The following MMAB variants were observed in gnomAD, a reference collection of about 807,000 sequenced individuals.
MMAB encodes metabolism of cobalamin associated B, also known as corrinoid adenosyltransferase MMAB.
A neutral mutation model predicts 30.6 loss-of-function variants in MMAB; 17 were observed. The ratio of observed to expected loss-of-function variants is 0.56; its 90% CI spans 0.38 to 0.83. MMAB has a LOEUF of 0.83. Among genes scored for constraint, MMAB ranks in the 40% least tolerant of loss-of-function variants. The pLI, the probability that MMAB is intolerant of heterozygous loss-of-function variation, is 0.00. For missense variants in MMAB, 311 were observed against 331.6 expected (o/e 0.94, Z 0.48); for synonymous variants, 134 against 138.6 (o/e 0.97, Z 0.23).
rs758697282 is a variant in MMAB at position 109,558,968 on chromosome 12, A to C, written c.644+128T>G. The C allele has an allele frequency of 6.7e-5, 49 of 734,204 alleles. No individual in the cohort carries two copies. Among genetic ancestry groups the C allele is most frequent in the Non-Finnish European group, 1.0e-4 (43 of 410,960 alleles). The allele number at this position is 734,204 out of a possible 1,614,324, so 45.5% of individuals were successfully genotyped here. On this transcript the variant is annotated intron_variant, in intron 8 of 8. Coordinates refer to ENST00000545712, the MANE Select transcript of MMAB (RefSeq NM_052845.4). The surrounding 1 kb of genome is among the most constrained non-coding windows in gnomAD (Gnocchi z 4.3). The stretch of plus-strand genomic sequence containing the variant: ...TGGCACAGAGCAGATGTTCATAAAC[A>C]CTAAGGGAATGAAGGAGGGGGTGCG...
Position 109,573,392 on chromosome 12 carries a change from G to C in MMAB, c.89C>G (p.Pro30Arg). Residue 30 changes from proline (P) to arginine (R), a missense_variant, in exon 1 of 9, where the codon CCC becomes CGC. Transcript: ENST00000545712. ...GCFGAARLLY[P>R]RFQSRGPQGV... ...CTGAGGGCCGCGGCTCTGGAAACGG[G>C]GATACAGGAGCCTGGCGGCGCCGAA... is the stretch of plus-strand genomic sequence containing the variant. 6.2e-7 allele frequency: 1 copy of C among 1,612,332 alleles called. No individual in the cohort carries two copies. The highest frequency in any genetic ancestry group is 8.5e-7 in the Non-Finnish European group (1 of 1,179,754).
At chr12:109,568,734 C>T in intron 3 of MMAB, 36 bp downstream of exon 3, 1 of 1,524,182 alleles carries the variant, frequency 6.6e-7, no homozygotes, top group Non-Finnish European at 9.1e-7. Context: ...ATACTCGACT[C>T]AAACGCAACC....
Position 109,553,957 on chromosome 12 carries a change from G to A in MMAB, c.*3071C>T, listed in dbSNP as rs189537333. 2 of 454,052 alleles carry A rather than the reference G, an allele frequency of 4.4e-6. No individual in the cohort carries two copies. Among genetic ancestry groups the A allele is most frequent in the African/African-American group, 4.0e-5 (2 of 50,092 alleles). 28.1% of individuals were successfully genotyped at this position (454,052 alleles called of 1,614,324 possible). A position where few individuals can be genotyped will look rare whatever the true frequency, so the allele number is the denominator to read the frequency against. ...GTTCGGGCTGTGGAAATTACTCGAT[G>A]AAAAACGCACATTAACGATAGCCAT... is the stretch of plus-strand genomic sequence containing the variant. On this transcript the variant is annotated 3_prime_UTR_variant, in exon 9 of 9. Transcript: ENST00000545712.
In MMAB at chr12:109,560,786, T is replaced by C. The variant is rs2058805; in HGVS notation, c.584+254A>G. On this transcript the variant is annotated intron_variant, in intron 7 of 8. Coordinates refer to ENST00000545712, the MANE Select transcript of MMAB (RefSeq NM_052845.4). ...TTGGTCACATGTCACTGTCTCCACT[T>C]CACAACATGGTGCTCTGAGGACAGG... 0.57 allele frequency among the ~76,000 whole-genome samples: 86,755 copies of C among 152,076 alleles called. 25,851 individuals are homozygous for C. Among genetic ancestry groups the C allele is most frequent in the African/African-American group, 0.74 (30,514 of 41,478 alleles).
intron 4 of MMAB, among the ~76,000 whole-genome samples, chr12:109,564,270 C>G (rs1171519912): frequency 6.6e-6 from 1 of 152,188 alleles, no homozygotes; most frequent in Non-Finnish European, 1.5e-5. Flanking sequence ...GGCAGAATGG[C>G]CCTGGGTTGA....
rs1369648448 is a variant in MMAB, at chr12:109,556,335, A to C, written c.*693T>G. On this transcript the variant is annotated 3_prime_UTR_variant, in exon 9 of 9. Coordinates refer to ENST00000545712, the MANE Select transcript of MMAB (RefSeq NM_052845.4). ...CAGGGAATGTTCACCTTCAAGTGGT[A>C]GTGTTGTTCTCATCAGCATCTCCAT... 1 of 453,684 alleles carries C rather than the reference A, an allele frequency of 2.2e-6. No individual in the cohort carries two copies. Among genetic ancestry groups the C allele is most frequent in the Non-Finnish European group, 4.4e-6 (1 of 226,426 alleles). The allele number at this position is 453,684 out of a possible 1,614,324, so 28.1% of individuals were successfully genotyped here.
Position 109,555,486 on chromosome 12 carries a change from G to C in MMAB, c.*1542C>G, listed in dbSNP as rs1883940968. 1 of 390,478 alleles carries C rather than the reference G, an allele frequency of 2.6e-6. No homozygotes were observed. The highest frequency in any genetic ancestry group is 1.9e-5 in the South Asian group (1 of 53,626). 24.2% of individuals were successfully genotyped at this position (390,478 alleles called of 1,614,324 possible). On this transcript the variant is annotated 3_prime_UTR_variant, in exon 9 of 9. Transcript: ENST00000545712. ...TTTTTTTTTTTTTAGCAGAAATGGG[G>C]TTTTACCATGTTGACCAGGCTGGTC... is the stretch of plus-strand genomic sequence containing the variant.
At chr12:109,573,116 A>G (rs1370608930) in intron 1 of MMAB, 3 of 602,448 alleles carry the variant, frequency 5.0e-6, no homozygotes, top group African/African-American at 3.7e-5. Flanking sequence ...CCTGGCCCAC[A>G]TGGGATATGC....
At position 109,571,636 on chromosome 12, in the gene MMAB, GT is replaced by G; in HGVS notation, c.196+12del. 6.2e-7 allele frequency: 1 copy of G among 1,612,962 alleles called. No homozygotes were observed. The highest frequency in any genetic ancestry group is 8.5e-7 in the Non-Finnish European group (1 of 1,178,926). On this transcript the variant is annotated intron_variant, in intron 2 of 8. Coordinates refer to ENST00000545712, the MANE Select transcript of MMAB (RefSeq NM_052845.4). ...GAGTATTTCTTTGCATTTTTCACCTGTCCCCACCCTACCTTTGTCTCCCGTT... is the reference window on the plus strand; with the variant it reads ...GAGTATTTCTTTGCATTTTTCACCTGCCCCACCCTACCTTTGTCTCCCGTT...
chr12:109,561,103 G>A lies in MMAB; in HGVS notation c.521C>T (p.Ser174Leu), dbSNP rs140881518. 3.3e-5 allele frequency: 53 copies of A among 1,609,622 alleles called. No homozygotes were observed. The South Asian group carries it at 3.3e-4, about 10-fold the overall frequency. Residue 174 changes from serine (S) to leucine (L), a missense_variant and splice_region_variant, in exon 7 of 9, where the codon TCG becomes TTG. Transcript: ENST00000545712. This position sits in a 1 kb window ranked among gnomAD's most constrained non-coding sequence, Gnocchi z 5.3. ...CAGCGCCGAGCTGATCTTGCCTCCCGACTGAAAGGAGAAAGGGACATTGCC... is the reference window on the plus strand; with the variant it reads ...CAGCGCCGAGCTGATCTTGCCTCCCAACTGAAAGGAGAAAGGGACATTGCC... ...LPPLTAFILP[S>L]GGKISSALHF...
At position 109,555,177 on chromosome 12, in the gene MMAB, AAGATTTTG is replaced by A. The variant is rs948934873; in HGVS notation, c.*1843_*1850del. 2 of 452,160 alleles carry A rather than the reference AAGATTTTG, an allele frequency of 4.4e-6. No individual in the cohort carries two copies. Among genetic ancestry groups the A allele is most frequent in the South Asian group, 1.6e-5 (1 of 64,202 alleles). The allele number at this position is 452,160 out of a possible 1,614,324, so 28.0% of individuals were successfully genotyped here. ...TTTATATATATATATATATTCCAGG[AAGATTTTG>A]AGATTTTGAGGTGTAGACAGAATTG... On this transcript the variant is annotated 3_prime_UTR_variant, in exon 9 of 9. Coordinates refer to ENST00000545712, the MANE Select transcript of MMAB (RefSeq NM_052845.4).
In MMAB at chr12:109,561,665, C is replaced by T; in HGVS notation, c.421+115G>A. The T allele has an allele frequency of 8.1e-7, 1 of 1,230,616 alleles. No homozygotes were observed. Among genetic ancestry groups the T allele is most frequent in the Non-Finnish European group, 1.2e-6 (1 of 859,744 alleles). 76.2% of individuals were successfully genotyped at this position (1,230,616 alleles called of 1,614,324 possible). A position where few individuals can be genotyped will look rare whatever the true frequency, so the allele number is the denominator to read the frequency against. On this transcript the variant is annotated intron_variant, in intron 5 of 8. Transcript: ENST00000545712. The surrounding 1 kb of genome is among the most constrained non-coding windows in gnomAD (Gnocchi z 5.3). ...TACCTTCCCTCCCAGGAGCTACGAG[C>T]AAGGCTAACTGACCCACCCGTGGGT...
At chr12:109,559,644 G>A (rs1457318699) in intron 7 of MMAB, among the ~76,000 whole-genome samples, 2 of 152,242 alleles carry the variant, frequency 1.3e-5, no homozygotes, top group Non-Finnish European at 2.9e-5. Context: ...GATTCCTGGG[G>A]TCCATGCCAG....
intron 3 of MMAB, among the ~76,000 whole-genome samples, 197 bp from the exon 4 acceptor site, chr12:109,565,373 T>C (rs1326678283): frequency 6.6e-6 from 1 of 152,242 alleles, no homozygotes; most frequent in African/African-American, 2.4e-5. Context: ...AAATGCCTTT[T>C]CGGATGCTCA....
Position 109,558,783 on chromosome 12 carries a change from A to C in MMAB, c.644+313T>G, listed in dbSNP as rs575633851. ...ACCGAGAGGCCTCCCCTGAGCACCCAGCCTCTAAGAACGCCCTTTGCCCCC... is the reference window on the plus strand; with the variant it reads ...ACCGAGAGGCCTCCCCTGAGCACCCCGCCTCTAAGAACGCCCTTTGCCCCC... On this transcript the variant is annotated intron_variant, in intron 8 of 8. Transcript: ENST00000545712. The surrounding 1 kb of genome is among the most constrained non-coding windows in gnomAD (Gnocchi z 4.3). Among the ~76,000 whole-genome samples the C allele has an allele frequency of 8.6e-4, 129 of 149,650 alleles. 1 individual carries two copies. Among genetic ancestry groups the C allele is most frequent in the African/African-American group, 3.1e-3 (124 of 40,454 alleles).
Position 109,561,626 on chromosome 12 carries a change from A to G in MMAB, c.422-109T>C. 8.2e-7 allele frequency: 1 copy of G among 1,226,972 alleles called. No individual in the cohort carries two copies. Among genetic ancestry groups the G allele is most frequent in the Non-Finnish European group, 1.2e-6 (1 of 860,536 alleles). 76.0% of individuals were successfully genotyped at this position (1,226,972 alleles called of 1,614,324 possible). On this transcript the variant is annotated intron_variant, in intron 5 of 8. Transcript: ENST00000545712. The surrounding 1 kb of genome is among the most constrained non-coding windows in gnomAD (Gnocchi z 5.3). ...CCTGGGTGTCCCGCAGACTGCTTCC[A>G]CTGGCTCAGAAGGTACCTTCCCTCC... is the stretch of plus-strand genomic sequence containing the variant.
intron 2 of MMAB, among the ~76,000 whole-genome samples, chr12:109,570,604 T>C (rs536158164): frequency 6.6e-6 from 1 of 152,316 alleles, no homozygotes; most frequent in South Asian, 2.1e-4. Context: ...CGGTAGCTCA[T>C]GCCTCCTGTA....
chr12:109,572,240 T>TTTA (rs923668100), intron 1 of MMAB, among the ~76,000 whole-genome samples: 21 of 151,366 alleles, frequency 1.4e-4, no homozygotes, highest in East Asian at 7.7e-4. Flanking sequence ...TATTTATTTA[T>TTTA]TTATTATTAT....
chr12:109,559,873 A>G (rs1884130124), intron 7 of MMAB, among the ~76,000 whole-genome samples: 1 of 152,214 alleles, frequency 6.6e-6, no homozygotes, highest in South Asian at 2.1e-4. Context: ...ACAGAGCTCC[A>G]GGCTGTCTCT....
Sources: allele counts gnomAD v4.1 joint callset (sites outside exome capture counted in the v4.1 genomes callset), GRCh38; gene constraint gnomAD v4.1.1; non-coding constraint Gnocchi (gnomAD v3.1); transcripts MANE v1.5; gene names NCBI Gene and HGNC (gene_info 2026-07-23, HGNC 2026-07-21).